PNPLA7: variants seen among roughly 807,000 people sequenced by gnomAD.
PNPLA7 encodes patatin like domain 7, lysophospholipase.
Under a neutral mutation model 161.7 loss-of-function variants are expected in PNPLA7, and 153 were observed. The observed-to-expected ratio is 0.95, with a 90% confidence interval of 0.83 to 1.08. The LOEUF (loss-of-function observed/expected upper bound fraction) is 1.08, where lower values mean the gene tolerates loss of function less well. PNPLA7 is among the 50% of genes least tolerant of loss of function. The probability of loss-of-function intolerance (pLI) is 0.00; values close to 1 mark genes in which losing one functional copy is unlikely to be tolerated. For missense variants in PNPLA7, 1,739 were observed against 1,856.6 expected, an observed-to-expected ratio of 0.94 and a Z score of 1.16; for synonymous variants, 809 against 782.1, an observed-to-expected ratio of 1.03 and a Z score of -0.57.
At position 137,505,969 on chromosome 9, in the gene PNPLA7, C is replaced by T. The variant is rs773780787; in HGVS notation, c.1326+14G>A. The T allele has an allele frequency of 1.2e-6, 2 of 1,600,402 alleles. No homozygotes were observed. The highest frequency in any genetic ancestry group is 1.7e-5 in the Admixed American group (1 of 58,076). ...GGCCCCAGGCGGAGGGTGAGAATGA[C>T]AGCCAGGGCCTACCTTGCTGGCCAC... On this transcript the variant is annotated intron_variant, in intron 13 of 34. Transcript: ENST00000406427.
rs898907815 is a variant in PNPLA7 at position 137,520,092 on chromosome 9, C to A, written c.958-49G>T. 1.9e-6 allele frequency: 3 copies of A among 1,604,820 alleles called. No homozygotes were observed. The highest frequency in any genetic ancestry group is 2.7e-5 in the African/African-American group (2 of 74,796). ...GTGCCACCCCAGGAACACCCCACAC[C>A]CACTGACAGGTGTGGGCTCCTCAAA... On this transcript the variant is annotated intron_variant, in intron 10 of 34. Coordinates refer to ENST00000406427, the MANE Select transcript of PNPLA7 (RefSeq NM_001098537.3). This position sits in a 1 kb window ranked among gnomAD's most constrained non-coding sequence, Gnocchi z 5.2.
In PNPLA7 at chr9:137,497,219, CG is replaced by C; in HGVS notation, c.1980del (p.Glu662SerfsTer14). 6.3e-7 allele frequency: 1 copy of C among 1,586,970 alleles called. No homozygotes were observed. The highest frequency in any genetic ancestry group is 8.6e-7 in the Non-Finnish European group (1 of 1,168,048). ...IRKDDGKKRL[A>X]GEYGRGDLVG... ...ACGAGGTCTCCTCGGCCGTACTCCCCGGCCAGGCGCTTCTTCCCATCATCCT... is the reference window on the plus strand; with the variant it reads ...ACGAGGTCTCCTCGGCCGTACTCCCCGCCAGGCGCTTCTTCCCATCATCCT... On this transcript the variant is annotated frameshift_variant, in exon 18 of 35. Transcript: ENST00000406427. LOFTEE classifies it high-confidence loss of function.
Position 137,547,536 on chromosome 9 carries a change from A to C in PNPLA7, c.105+49T>G. 1 of 1,605,672 alleles carries C rather than the reference A, an allele frequency of 6.2e-7. No homozygotes were observed. ...GGATGGGGACAGGGAGAGGTGAAAA[A>C]GGCCACGGCCCATCCAGGTCTGGCT... On this transcript the variant is annotated intron_variant, in intron 2 of 34. Transcript: ENST00000406427. This position sits in a 1 kb window ranked among gnomAD's most constrained non-coding sequence, Gnocchi z 4.6.
chr9:137,478,367 C>G (rs887202354), intron 24 of PNPLA7: 49 of 389,710 alleles, frequency 1.3e-4, no homozygotes, highest in Non-Finnish European at 1.7e-4. Context: ...GGGGAGGACA[C>G]TGGCAGAGGG....
intron 9 of PNPLA7, among the ~76,000 whole-genome samples, chr9:137,522,265 G>T (rs970737842): frequency 6.6e-6 from 1 of 151,182 alleles, no homozygotes; most frequent in Admixed American, 6.6e-5. Flanking sequence ...TAGCAGAGAC[G>T]GGGTTTCACC....
chr9:137,538,731 A>G (rs1836024176), intron 8 of PNPLA7, among the ~76,000 whole-genome samples: 1 of 152,246 alleles, frequency 6.6e-6, no homozygotes, highest in African/African-American at 2.4e-5. Flanking sequence ...TTTTACTCAA[A>G]GAAAAAAAGA....
intron 18 of PNPLA7, 116 bp from the exon 19 acceptor site, chr9:137,495,262 G>A (rs923565209): frequency 1.6e-5 from 11 of 671,080 alleles, no homozygotes; most frequent in Admixed American, 2.9e-5. Context: ...CATCCACACC[G>A]CAAGGCGGAG....
rs951309513 is a variant in PNPLA7 at position 137,490,740 on chromosome 9, G to A, written c.2197+2273C>T. 2.6e-5 allele frequency among the ~76,000 whole-genome samples: 4 copies of A among 152,202 alleles called. No individual in the cohort carries two copies. Among genetic ancestry groups the A allele is most frequent in the Non-Finnish European group, 5.9e-5 (4 of 68,048 alleles). On this transcript the variant is annotated intron_variant, in intron 20 of 34. Transcript: ENST00000406427. The surrounding 1 kb of genome is among the most constrained non-coding windows in gnomAD (Gnocchi z 4.1). ...AGATGCCGCAAATGAAAGAAGAGCA[G>A]GAGGACGGTGACCCTGGGTGAACAT...
chr9:137,495,320 T>C (rs536614536), intron 18 of PNPLA7, among the ~76,000 whole-genome samples, 174 bp from the exon 19 acceptor site: 1 of 152,208 alleles, frequency 6.6e-6, no homozygotes, highest in Non-Finnish European at 1.5e-5. Flanking sequence ...CACTGGAACA[T>C]GCCAGAAGCC....
chr9:137,503,517 GA>G (rs1393885439), intron 14 of PNPLA7, among the ~76,000 whole-genome samples: 31 of 123,066 alleles, frequency 2.5e-4, no homozygotes, highest in Admixed American at 1.7e-3. Context: ...GAAGGAGGAG[GA>G]GGAAGGAGAA....
At chr9:137,471,458 G>C (rs1298306564) in intron 25 of PNPLA7, among the ~76,000 whole-genome samples, 1 of 151,886 alleles carries the variant, frequency 6.6e-6, no homozygotes, top group Non-Finnish European at 1.5e-5. Context: ...AATTAGCCGG[G>C]CGTGGTGGCA....
At chr9:137,473,942 T>G (rs932910868) in intron 25 of PNPLA7, among the ~76,000 whole-genome samples, 1 of 152,140 alleles carries the variant, frequency 6.6e-6, no homozygotes, top group Non-Finnish European at 1.5e-5. Flanking sequence ...ACAGAAGGAT[T>G]TGAACAAGAG....
At position 137,542,733 on chromosome 9, in the gene PNPLA7, T is replaced by G. The variant is rs746158422; in HGVS notation, c.575A>C (p.Gln192Pro). The G allele has an allele frequency of 1.2e-5, 20 of 1,613,632 alleles. 1 individual carries two copies. In the South Asian group the frequency reaches 2.2e-4, roughly 18 times the overall value. ...LCKHIVFVQL[Q>P]EGEHVFQPRE... ...GGGCTGGAAGACGTGCTCCCCTTCC[T>G]GCAGCTGCACAAAGACGATGTGTTT... Residue 192 changes from glutamine (Q) to proline (P), a missense_variant, in exon 7 of 35, where the codon CAG becomes CCG. Gln to Pro is a moderately conservative substitution (Grantham distance 76). This residue lies in a region of PNPLA7 where 209 missense variants were observed against 252.8 expected (regional missense o/e 0.83). Transcript: ENST00000406427.
chr9:137,484,881 C>T, intron 20 of PNPLA7, 145 bp from the exon 21 acceptor site: 5 of 993,318 alleles, frequency 5.0e-6, no homozygotes, highest in Non-Finnish European at 7.1e-6. Context: ...AGTCCTGAGG[C>T]TGCCTGGCCC....
chr9:137,490,705 A>G lies in PNPLA7; in HGVS notation c.2197+2308T>C, dbSNP rs1395276185. 2.0e-5 allele frequency among the ~76,000 whole-genome samples: 3 copies of G among 152,222 alleles called. No individual in the cohort carries two copies. The highest frequency in any genetic ancestry group is 2.9e-5 in the Non-Finnish European group (2 of 68,036). ...TCAACAGCAAGGAGACGAGCCCAGA[A>G]GGAAACCTGAGATGCCGCAAATGAA... On this transcript the variant is annotated intron_variant, in intron 20 of 34. Transcript: ENST00000406427. The surrounding 1 kb of genome is among the most constrained non-coding windows in gnomAD (Gnocchi z 4.1).
At chr9:137,548,489 C>T (rs1399592767) in intron 1 of PNPLA7, among the ~76,000 whole-genome samples, 1 of 152,230 alleles carries the variant, frequency 6.6e-6, no homozygotes, top group Non-Finnish European at 1.5e-5. Flanking sequence ...GTGGCTCACG[C>T]CTGCAATCCC....
At position 137,462,734 on chromosome 9, in the gene PNPLA7, C is replaced by T. The variant is rs141473646; in HGVS notation, c.3443G>A (p.Gly1148Glu). The change falls in exon 30 of 35, where the codon GGG becomes GAG. Residue 1148 changes from glycine to glutamate, a missense_variant. Physicochemically the swap from Gly to Glu is moderately conservative, Grantham distance 98. Transcript: ENST00000406427. ...CCAGCGTTTCCACAGCAGCCACCAC[C>T]CAGACAGCGCATCCCCATAGTTGGT... ...DLTNYGDALS[G>E]WWLLWKRWNP... 1.2e-3 allele frequency: 1,976 copies of T among 1,614,000 alleles called. 5 individuals carry two copies. Among genetic ancestry groups the T allele is most frequent in the Non-Finnish European group, 1.5e-3 (1,781 of 1,179,988 alleles).
Position 137,523,895 on chromosome 9 carries a change from G to A in PNPLA7, c.748-1038C>T, listed in dbSNP as rs1000688483. 6.6e-6 allele frequency among the ~76,000 whole-genome samples: 1 copy of A among 152,142 alleles called. No homozygotes were observed. The highest frequency in any genetic ancestry group is 1.5e-5 in the Non-Finnish European group (1 of 68,028). On this transcript the variant is annotated intron_variant, in intron 8 of 34. Transcript: ENST00000406427. The surrounding 1 kb of genome is among the most constrained non-coding windows in gnomAD (Gnocchi z 4.4). ...TCCGCCCACCTCGGCCTCCCAAAGT[G>A]CTGGGATTACCGGCGTGAGCCACCA...
At chr9:137,469,494 C>A (rs1425473503) in intron 25 of PNPLA7, among the ~76,000 whole-genome samples, 2 of 152,022 alleles carry the variant, frequency 1.3e-5, no homozygotes, top group African/African-American at 4.8e-5. Context: ...CTCATGTTGT[C>A]AAAAACCCAA....
Sources: allele counts gnomAD v4.1 joint callset (sites outside exome capture counted in the v4.1 genomes callset), GRCh38; gene constraint gnomAD v4.1.1; regional missense constraint gnomAD v4.1.1; non-coding constraint Gnocchi (gnomAD v3.1); transcripts MANE v1.5; gene names NCBI Gene and HGNC (gene_info 2026-07-23, HGNC 2026-07-21).